The following PRR5L variants were observed in gnomAD, a reference collection of about 807,000 sequenced individuals.
The protein encoded by PRR5L is proline-rich protein 5-like.
PRR5L carries 21 observed loss-of-function variants against 36.4 expected under a neutral mutation model. That is an observed-to-expected ratio of 0.58 (90% CI 0.41 to 0.83). The LOEUF is 0.83. Ranked by LOEUF, PRR5L falls within the 40% of genes least tolerant of loss-of-function variation. PRR5L has a pLI of 0.00. For synonymous variants in PRR5L, 188 were observed against 197.0 expected, an observed-to-expected ratio of 0.95 and a Z score of 0.38; for missense variants, 381 against 473.3, an observed-to-expected ratio of 0.80 and a Z score of 1.81.
At chr11:36,384,077 T>C (rs1260766569) in intron 1 of PRR5L, among the ~76,000 whole-genome samples, 1 of 152,200 alleles carries the variant, frequency 6.6e-6, no homozygotes, top group Non-Finnish European at 1.5e-5. Context: ...TTTGTTGAAA[T>C]GTGATATTTT....
chr11:36,317,097 GA>G (rs1301584982), intron 1 of PRR5L, among the ~76,000 whole-genome samples: 1 of 152,192 alleles, frequency 6.6e-6, no homozygotes, highest in Non-Finnish European at 1.5e-5. Flanking sequence ...ACACTTTCCA[GA>G]AAAGGCTAGC....
At chr11:36,341,804 C>G (rs769270000) in intron 1 of PRR5L, among the ~76,000 whole-genome samples, 7 of 152,148 alleles carry the variant, frequency 4.6e-5, no homozygotes, top group Non-Finnish European at 8.8e-5. Flanking sequence ...ACCTGGTTTT[C>G]CAGAAGCTGA....
chr11:36,310,043 C>G (rs1347549280), intron 1 of PRR5L, among the ~76,000 whole-genome samples: 2 of 34,906 alleles, frequency 5.7e-5, no homozygotes, highest in African/African-American at 1.7e-4. Flanking sequence ...GACCTGGAAG[C>G]CTGTTGTGTC....
chr11:36,338,354 C>G (rs901356777), intron 1 of PRR5L, among the ~76,000 whole-genome samples: 6 of 152,186 alleles, frequency 3.9e-5, no homozygotes, highest in African/African-American at 1.4e-4. Context: ...GCTTGAAATG[C>G]TTTCTTGCTT....
At position 36,431,996 on chromosome 11, in the gene PRR5L, G is replaced by C. The variant is rs867493138; in HGVS notation, c.352+86G>C. ...CGGCTGAGATGCTTCTGTCCAGAAG[G>C]GGCAGGCTCCAAGCGAGTGATTCAC... On this transcript the variant is annotated intron_variant, in intron 5 of 8. Transcript: ENST00000530639. The C allele has an allele frequency of 1.8e-5, 22 of 1,196,428 alleles. No homozygotes were observed. In the Middle Eastern group the frequency reaches 6.1e-4, roughly 33 times the overall value. 74.1% of individuals were successfully genotyped at this position (1,196,428 alleles called of 1,614,324 possible). A position where few individuals can be genotyped will look rare whatever the true frequency, so the allele number is the denominator to read the frequency against.
At chr11:36,365,873 C>T (rs1417823449) in intron 1 of PRR5L, among the ~76,000 whole-genome samples, 2 of 152,194 alleles carry the variant, frequency 1.3e-5, no homozygotes, top group Non-Finnish European at 2.9e-5. Context: ...GAAGGGCAGC[C>T]ATCCACCTGG....
intron 3 of PRR5L, among the ~76,000 whole-genome samples, chr11:36,418,081 A>T (rs1030234559): frequency 6.6e-6 from 1 of 152,236 alleles, no homozygotes; most frequent in Non-Finnish European, 1.5e-5. Context: ...CGTTGAAATC[A>T]TCTTGTGAGT....
At chr11:36,427,951 G>A (rs1222898891) in intron 4 of PRR5L, among the ~76,000 whole-genome samples, 1 of 152,202 alleles carries the variant, frequency 6.6e-6, no homozygotes, top group Non-Finnish European at 1.5e-5. Context: ...TCTGCACTGG[G>A]CACTCTTGGT....
intron 1 of PRR5L, chr11:36,376,036 G>A: frequency 1.5e-6 from 1 of 657,790 alleles, no homozygotes; most frequent in Non-Finnish European, 2.4e-6. Context: ...GGGGTCGGCT[G>A]CAGATCTCCC....
chr11:36,397,767 T>C (rs1857696475), intron 1 of PRR5L, among the ~76,000 whole-genome samples: 1 of 151,132 alleles, frequency 6.6e-6, no homozygotes, highest in Non-Finnish European at 1.5e-5. Context: ...TCTTAATTCT[T>C]TTCCTTCATC....
At chr11:36,338,535 C>A (rs1856789170) in intron 1 of PRR5L, among the ~76,000 whole-genome samples, 1 of 152,130 alleles carries the variant, frequency 6.6e-6, no homozygotes, top group Non-Finnish European at 1.5e-5. Flanking sequence ...TAAAATCTTT[C>A]ATTGTTAATT....
At chr11:36,360,066 CACA>C (rs1465886313) in intron 1 of PRR5L, among the ~76,000 whole-genome samples, 1 of 57,664 alleles carries the variant, frequency 1.7e-5, no homozygotes, top group Non-Finnish European at 3.9e-5. Context: ...CACACACATA[CACA>C]CACACCCACA....
At chr11:36,325,550 C>T (rs767145457) in intron 1 of PRR5L, among the ~76,000 whole-genome samples, 4 of 152,192 alleles carry the variant, frequency 2.6e-5, no homozygotes, top group African/African-American at 4.8e-5. Context: ...TTGTCCCTGG[C>T]GCTGTGCTCT....
intron 3 of PRR5L, among the ~76,000 whole-genome samples, chr11:36,413,181 C>A (rs1858063309): frequency 6.6e-6 from 1 of 152,234 alleles, no homozygotes; most frequent in South Asian, 2.1e-4. Flanking sequence ...ACAGTCTGCT[C>A]ACAGGCTGGC....
intron 3 of PRR5L, among the ~76,000 whole-genome samples, chr11:36,410,959 A>G (rs1287057481): frequency 6.6e-6 from 1 of 152,206 alleles, no homozygotes; most frequent in Non-Finnish European, 1.5e-5. Flanking sequence ...GGCGGATCTC[A>G]CCAAAGGGCC....
chr11:36,453,653 TGCCCTCCAGAGCACACA>T (rs1294018049), intron 8 of PRR5L, among the ~76,000 whole-genome samples: 2 of 152,100 alleles, frequency 1.3e-5, no homozygotes, highest in Non-Finnish European at 2.9e-5. Context: ...AACCCATCCC[TGCCCTCCAGAGCACACA>T]GCCCAGGGAA....
intron 7 of PRR5L, among the ~76,000 whole-genome samples, chr11:36,447,863 A>G (rs540432936): frequency 6.6e-6 from 1 of 152,306 alleles, no homozygotes; most frequent in East Asian, 1.9e-4. Flanking sequence ...GGGGGATAGA[A>G]AAATGCATGT....
At chr11:36,421,065 G>T (rs1858254597) in intron 4 of PRR5L, among the ~76,000 whole-genome samples, 1 of 152,150 alleles carries the variant, frequency 6.6e-6, no homozygotes, top group African/African-American at 2.4e-5. Context: ...GTCAGTCTTG[G>T]CCTCACTCTC....
chr11:36,306,185 C>G (rs61878689), intron 1 of PRR5L, among the ~76,000 whole-genome samples: 46,206 of 152,006 alleles, frequency 0.3, 7,155 homozygotes, highest in Non-Finnish European at 0.33. Flanking sequence ...TGCCATGTTG[C>G]TTTGCTGCAC....
Sources: gnomAD v4.1 joint callset for allele counts (sites outside exome capture counted in the v4.1 genomes callset) on GRCh38, gnomAD v4.1.1 for gene constraint, MANE v1.5 for transcripts, NCBI Gene and HGNC (gene_info 2026-07-23, HGNC 2026-07-21) for gene names.